ADAMTSL1: variants seen among roughly 807,000 people sequenced by gnomAD.
The protein encoded by ADAMTSL1 is ADAMTS-like protein 1.
In ADAMTSL1, 126 loss-of-function variants were observed where a neutral mutation model predicts 201.8. That is an observed-to-expected ratio of 0.62 (90% confidence interval 0.54 to 0.72). ADAMTSL1 has a LOEUF of 0.72. Ranked by LOEUF, ADAMTSL1 falls within the 30% of genes least tolerant of loss-of-function variation. The pLI, the probability that ADAMTSL1 is intolerant of heterozygous loss-of-function variation, is 0.00. For missense variants in ADAMTSL1, 2,679 were observed against 2,277.8 expected (o/e 1.18, Z -3.59); for synonymous variants, 1,121 against 903.4 (o/e 1.24, Z -4.32).
At chr9:18,618,147 G>T (rs935847112) in intron 4 of ADAMTSL1, among the ~76,000 whole-genome samples, 7 of 152,160 alleles carry the variant, frequency 4.6e-5, no homozygotes, top group Non-Finnish European at 1.0e-4. Context: ...AATTCTTGTT[G>T]ATGCATCAGG....
chr9:18,645,427 C>A (rs1034329889), intron 7 of ADAMTSL1, among the ~76,000 whole-genome samples: 2 of 151,668 alleles, frequency 1.3e-5, no homozygotes, highest in African/African-American at 4.8e-5. Flanking sequence ...CTTTTGTTGC[C>A]ATTGCTTTTG....
At chr9:18,413,210 GC>G (rs1818526834) in intron 2 of ADAMTSL1, among the ~76,000 whole-genome samples, 1 of 66,238 alleles carries the variant, frequency 1.5e-5, no homozygotes, top group African/African-American at 1.1e-4. Context: ...GTGCAGTGGC[GC>G]AATCTTGGCT....
chr9:18,506,839 C>A (rs993253130), intron 2 of ADAMTSL1, among the ~76,000 whole-genome samples: 6 of 151,988 alleles, frequency 3.9e-5, no homozygotes, highest in Non-Finnish European at 5.9e-5. Context: ...GGTTGACTAC[C>A]CATTCTTTAG....
rs200895815 is a variant in ADAMTSL1 at position 18,197,966 on chromosome 9, G to T, written c.207+33985G>T. Among the ~76,000 whole-genome samples the T allele has an allele frequency of 4.1e-4, 63 of 152,102 alleles. No homozygotes were observed. In the Middle Eastern group the frequency reaches 0.01, roughly 25 times the overall value. On this transcript the variant is annotated intron_variant, in intron 2 of 29. Coordinates refer to the ADAMTSL1 transcript ENST00000680146. ...AGAAATAATGCCGCATATCTACAACGATCTGATCTTTGACAAACCTGAGAA... is the reference window on the plus strand; with the variant it reads ...AGAAATAATGCCGCATATCTACAACTATCTGATCTTTGACAAACCTGAGAA...
intron 3 of ADAMTSL1, among the ~76,000 whole-genome samples, chr9:18,555,813 G>T (rs1018263694): frequency 1.3e-5 from 2 of 151,966 alleles, no homozygotes; most frequent in South Asian, 4.1e-4. Context: ...CCAACATCAA[G>T]TGTGGGCTGG....
chr9:18,170,135 C>T (rs10810918), intron 2 of ADAMTSL1, among the ~76,000 whole-genome samples: 78,060 of 151,868 alleles, frequency 0.51, 20,408 homozygotes, highest in Admixed American at 0.56. Flanking sequence ...AAGACTTACC[C>T]AATGTATTAT....
intron 1 of ADAMTSL1, among the ~76,000 whole-genome samples, chr9:18,113,080 G>A (rs926879270): frequency 2.0e-4 from 30 of 152,138 alleles, no homozygotes; most frequent in African/African-American, 7.0e-4. Context: ...GGGGCAGTAT[G>A]TATGAAAGCT....
At chr9:18,408,681 A>T (rs1446934253) in intron 2 of ADAMTSL1, among the ~76,000 whole-genome samples, 1 of 152,232 alleles carries the variant, frequency 6.6e-6, no homozygotes, top group Non-Finnish European at 1.5e-5. Context: ...CTCATTCTAG[A>T]TATGAAATCT....
chr9:18,234,939 A>G (rs984529429), intron 2 of ADAMTSL1, among the ~76,000 whole-genome samples: 5 of 152,234 alleles, frequency 3.3e-5, no homozygotes, highest in Non-Finnish European at 7.3e-5. Flanking sequence ...TTGCACAGTT[A>G]TTATAGATAG....
intron 1 of ADAMTSL1, among the ~76,000 whole-genome samples, chr9:18,147,144 T>C (rs1826679394): frequency 6.6e-6 from 1 of 152,158 alleles, no homozygotes; most frequent in Non-Finnish European, 1.5e-5. Context: ...TCAGGGTACG[T>C]AACCTCTGAA....
intron 2 of ADAMTSL1, among the ~76,000 whole-genome samples, chr9:18,164,588 T>A (rs146723396): frequency 6.6e-6 from 1 of 151,868 alleles, no homozygotes; most frequent in East Asian, 2.0e-4. Context: ...TTTGTGAGAA[T>A]TGGACAGACA....
chr9:18,732,587 G>GC (rs896087396), intron 15 of ADAMTSL1, among the ~76,000 whole-genome samples: 1 of 152,192 alleles, frequency 6.6e-6, no homozygotes, highest in Non-Finnish European at 1.5e-5. Context: ...TGTCCCGATG[G>GC]CCAGAAAGGC....
At chr9:18,234,532 G>T (rs1426624154) in intron 2 of ADAMTSL1, among the ~76,000 whole-genome samples, 6 of 152,230 alleles carry the variant, frequency 3.9e-5, no homozygotes, top group African/African-American at 1.2e-4. Flanking sequence ...GACATGACTT[G>T]TACTATTAAT....
intron 1 of ADAMTSL1, among the ~76,000 whole-genome samples, chr9:17,956,546 G>A (rs959578781): frequency 8.5e-5 from 13 of 152,240 alleles, no homozygotes; most frequent in African/African-American, 2.9e-4. Flanking sequence ...CCGGGTGACT[G>A]TAACTATTTC....
intron 3 of ADAMTSL1, among the ~76,000 whole-genome samples, chr9:18,564,816 A>C (rs537826746): frequency 5.3e-5 from 8 of 152,344 alleles, no homozygotes; most frequent in African/African-American, 1.9e-4. Flanking sequence ...AATTGGAGTG[A>C]ATTCAAAGAA....
chr9:18,085,579 ACT>A (rs1491210002), intron 1 of ADAMTSL1, among the ~76,000 whole-genome samples: 20 of 145,556 alleles, frequency 1.4e-4, no homozygotes, highest in Non-Finnish European at 2.4e-4. Flanking sequence ...ATATATACAC[ACT>A]GTGTGTGTGT....
chr9:18,181,426 A>T (rs565479387), intron 2 of ADAMTSL1, among the ~76,000 whole-genome samples: 1 of 152,208 alleles, frequency 6.6e-6, no homozygotes, highest in Non-Finnish European at 1.5e-5. Flanking sequence ...CAATGAACTC[A>T]AACAAATTTA....
chr9:17,935,301 C>T (rs576172232), intron 1 of ADAMTSL1, among the ~76,000 whole-genome samples: 2 of 152,098 alleles, frequency 1.3e-5, no homozygotes, highest in African/African-American at 4.8e-5. Context: ...CTCCCATGTT[C>T]CCCCGGCACC....
chr9:18,657,373 G>A (rs1828756303), intron 7 of ADAMTSL1, among the ~76,000 whole-genome samples: 1 of 152,216 alleles, frequency 6.6e-6, no homozygotes, highest in African/African-American at 2.4e-5. Context: ...GGAATAAGAT[G>A]ATAGTGAAAT....
Sources: gnomAD v4.1 joint callset for allele counts (sites outside exome capture counted in the v4.1 genomes callset) on GRCh38, gnomAD v4.1.1 for gene constraint, MANE v1.5 for transcripts, NCBI Gene and HGNC (gene_info 2026-07-23, HGNC 2026-07-21) for gene names.